CYSLTR2: variants seen among roughly 807,000 people sequenced by gnomAD.
CYSLTR2 encodes the protein cysteinyl leukotriene receptor 2.
For missense variants in CYSLTR2, 398 were observed against 411.9 expected (o/e 0.97, Z 0.29); for synonymous variants, 179 against 160.8 (o/e 1.11, Z -0.86).
intron 2 of CYSLTR2, among the ~76,000 whole-genome samples, chr13:48,692,664 G>GTTA (rs1482275820): frequency 6.6e-6 from 1 of 151,092 alleles, no homozygotes; most frequent in Non-Finnish European, 1.5e-5. Context: ...GTGTTTCTCT[G>GTTA]TATTAAACAT....
At chr13:48,698,968 C>T (rs1215829388) in intron 4 of CYSLTR2, among the ~76,000 whole-genome samples, 3 of 152,188 alleles carry the variant, frequency 2.0e-5, no homozygotes. Context: ...ACAAGAAGAG[C>T]TAACTATCCT....
At position 48,707,892 on chromosome 13, in the gene CYSLTR2, T is replaced by C. The variant is rs753159172; in HGVS notation, c.*34T>C. ...TAGATGAGACCTGTTCTTGTATCCT[T>C]GTGTCCATCTTCATTCACTCATAGT... On this transcript the variant is annotated 3_prime_UTR_variant, in exon 5 of 5. Transcript: ENST00000682523. The C allele has an allele frequency of 5.5e-6, 8 of 1,466,914 alleles. No individual in the cohort carries two copies. The Admixed American group carries it at 9.2e-5, about 17-fold the overall frequency. The allele number at this position is 1,466,914 out of a possible 1,614,324, so 90.9% of individuals were successfully genotyped here. A position where few individuals can be genotyped will look rare whatever the true frequency, so the allele number is the denominator to read the frequency against.
chr13:48,678,290 T>A (rs564467284), intron 1 of CYSLTR2, among the ~76,000 whole-genome samples: 10 of 152,228 alleles, frequency 6.6e-5, no homozygotes, highest in South Asian at 2.1e-4. Context: ...ATTACAGGCA[T>A]GACCACCGGA....
intron 4 of CYSLTR2, among the ~76,000 whole-genome samples, chr13:48,700,956 G>A (rs569977590): frequency 6.6e-6 from 1 of 152,284 alleles, no homozygotes; most frequent in South Asian, 2.1e-4. Context: ...CAAGGGATGT[G>A]AAGGGCCTCT....
At chr13:48,660,512 C>G (rs1192155391) in intron 1 of CYSLTR2, among the ~76,000 whole-genome samples, 2 of 152,160 alleles carry the variant, frequency 1.3e-5, no homozygotes, top group Non-Finnish European at 2.9e-5. Flanking sequence ...GCAAAATTCT[C>G]CAAGGCACTG....
chr13:48,667,253 T>C (rs1292643724), intron 1 of CYSLTR2, among the ~76,000 whole-genome samples: 2 of 152,184 alleles, frequency 1.3e-5, no homozygotes, highest in Non-Finnish European at 2.9e-5. Flanking sequence ...TCCTGGGCTG[T>C]TTCTCAGGTA....
At chr13:48,657,873 A>T (rs1382963502) in intron 1 of CYSLTR2, among the ~76,000 whole-genome samples, 1 of 151,790 alleles carries the variant, frequency 6.6e-6, no homozygotes, top group East Asian at 1.9e-4. Context: ...ATTTTATTAG[A>T]CGTATAGATT....
chr13:48,695,435 G>A (rs1231062502), intron 3 of CYSLTR2, among the ~76,000 whole-genome samples: 1 of 143,226 alleles, frequency 7.0e-6, no homozygotes, highest in Admixed American at 7.3e-5. Context: ...TAGAGATAGG[G>A]TCTCAGGTCT....
intron 1 of CYSLTR2, among the ~76,000 whole-genome samples, chr13:48,667,501 G>C (rs1953296171): frequency 6.6e-6 from 1 of 152,198 alleles, no homozygotes; most frequent in Non-Finnish European, 1.5e-5. Context: ...CCATTAGGCT[G>C]TTTCTCTGGC....
intron 1 of CYSLTR2, among the ~76,000 whole-genome samples, chr13:48,677,202 G>A (rs897706573): frequency 1.3e-5 from 2 of 152,146 alleles, no homozygotes; most frequent in Non-Finnish European, 2.9e-5. Flanking sequence ...TTTGAGAAGA[G>A]AACAGTAGAA....
chr13:48,654,719 C>T (rs543006735), intron 1 of CYSLTR2, among the ~76,000 whole-genome samples: 1 of 152,092 alleles, frequency 6.6e-6, no homozygotes, highest in South Asian at 2.1e-4. Flanking sequence ...GTTTCTCAAC[C>T]CTGGCTGCAC....
At chr13:48,681,512 G>T (rs1953754311) in intron 1 of CYSLTR2, among the ~76,000 whole-genome samples, 1 of 152,174 alleles carries the variant, frequency 6.6e-6, no homozygotes, top group South Asian at 2.1e-4. Context: ...CCCCAATGAG[G>T]TCTGCCTTCC....
chr13:48,672,594 T>A (rs1004546079), intron 1 of CYSLTR2, among the ~76,000 whole-genome samples: 13 of 141,556 alleles, frequency 9.2e-5, no homozygotes, highest in Admixed American at 8.5e-4. Flanking sequence ...TGGTTTTGAG[T>A]GAGTTTCTTT....
chr13:48,696,181 A>G (rs1210876991), intron 3 of CYSLTR2, among the ~76,000 whole-genome samples: 1 of 152,184 alleles, frequency 6.6e-6, no homozygotes. Flanking sequence ...CTTATATGCT[A>G]TCTGTATATC....
intron 4 of CYSLTR2, among the ~76,000 whole-genome samples, chr13:48,702,177 G>A (rs1431162960): frequency 6.7e-5 from 10 of 149,878 alleles, no homozygotes; most frequent in South Asian, 2.1e-4. Context: ...ACCAAACACT[G>A]CATGTTCTCA....
chr13:48,672,095 G>A (rs77874351), intron 1 of CYSLTR2, among the ~76,000 whole-genome samples: 17,967 of 152,010 alleles, frequency 0.12, 1,615 homozygotes, highest in African/African-American at 0.24. Flanking sequence ...ATTCTCTGAC[G>A]GTAGTTTGTA....
intron 1 of CYSLTR2, among the ~76,000 whole-genome samples, chr13:48,654,709 G>A (rs1337862335): frequency 6.6e-6 from 1 of 152,178 alleles, no homozygotes; most frequent in East Asian, 1.9e-4. Context: ...CCTAATCAGT[G>A]TTTCTCAACC....
intron 4 of CYSLTR2, among the ~76,000 whole-genome samples, chr13:48,704,782 T>C (rs1376638106): frequency 6.6e-6 from 1 of 152,226 alleles, no homozygotes; most frequent in Non-Finnish European, 1.5e-5. Flanking sequence ...GATTTCTAGT[T>C]TGATTCCCTT....
At chr13:48,687,977 T>A (rs569627564) in intron 1 of CYSLTR2, among the ~76,000 whole-genome samples, 2 of 152,292 alleles carry the variant, frequency 1.3e-5, no homozygotes, top group Middle Eastern at 3.4e-3. Context: ...GGTGGGAAAA[T>A]CCCTTCAGTG....
Sources: gnomAD v4.1 joint callset for allele counts (sites outside exome capture counted in the v4.1 genomes callset) on GRCh38, gnomAD v4.1.1 for gene constraint, MANE v1.5 for transcripts, NCBI Gene and HGNC (gene_info 2026-07-23, HGNC 2026-07-21) for gene names.